FAM177B: variants seen among roughly 807,000 people sequenced by gnomAD.
FAM177B encodes the protein family with sequence similarity 177 member B.
Under a neutral mutation model 16.1 loss-of-function variants are expected in FAM177B, and 16 were observed. The ratio of observed to expected loss-of-function variants is 0.99; its 90% CI spans 0.67 to 1.51. The LOEUF (loss-of-function observed/expected upper bound fraction) is 1.51. Ranked by LOEUF, FAM177B falls within the 40% of genes most tolerant of loss-of-function variation. The pLI, the probability that FAM177B is intolerant of heterozygous loss-of-function variation, is 0.00. For synonymous variants in FAM177B, 56 were observed against 59.9 expected (o/e 0.93, Z 0.30); for missense variants, 178 against 183.7 (o/e 0.97, Z 0.18).
intron 2 of FAM177B, among the ~76,000 whole-genome samples, chr1:222,738,352 T>C (rs1658379472): frequency 6.6e-6 from 1 of 152,046 alleles, no homozygotes; most frequent in South Asian, 2.1e-4. Flanking sequence ...GTTAATTACA[T>C]TATATACTTA....
chr1:222,742,511 T>A (rs1658602041), intron 2 of FAM177B: 1 of 152,240 alleles, frequency 6.6e-6, no homozygotes, highest in African/African-American at 2.4e-5. Flanking sequence ...GTAAATGTTT[T>A]AAAAATTACT....
intron 4 of FAM177B, chr1:222,749,105 A>G: frequency 2.1e-6 from 1 of 471,472 alleles, no homozygotes; most frequent in Non-Finnish European, 4.4e-6. Context: ...TTTGAAATAT[A>G]CTTGGAGCAG....
intron 2 of FAM177B, among the ~76,000 whole-genome samples, chr1:222,743,879 G>T (rs972085850): frequency 4.6e-5 from 7 of 151,964 alleles, no homozygotes; most frequent in Non-Finnish European, 7.4e-5. Context: ...CAGCTCCAAG[G>T]CCTATATCTG....
intron 3 of FAM177B, 108 bp downstream of exon 3, chr1:222,746,827 T>C: frequency 9.2e-7 from 1 of 1,082,756 alleles, no homozygotes; most frequent in South Asian, 1.6e-5. Context: ...GCTAAGTCCT[T>C]GGTCTCCTTT....
Position 222,750,669 on chromosome 1 carries a change from T to C in FAM177B, c.*611T>C. On this transcript the variant is annotated 3_prime_UTR_variant, in exon 6 of 6. Coordinates refer to ENST00000445590, the MANE Select transcript of FAM177B (RefSeq NM_001394345.1). ...AAATAATATAAGCTCTAGAAAAAAA[T>C]ATTAATGGATTATTTTCTTATTTAT... 1 of 532,720 alleles carries C rather than the reference T, an allele frequency of 1.9e-6. No homozygotes were observed. The highest frequency in any genetic ancestry group is 2.4e-6 in the Non-Finnish European group (1 of 416,812). The allele number at this position is 532,720 out of a possible 1,614,324, so 33.0% of individuals were successfully genotyped here. A position where few individuals can be genotyped will look rare whatever the true frequency, so the allele number is the denominator to read the frequency against.
chr1:222,749,781 G>A (rs1658974223), intron 5 of FAM177B, 140 bp from the exon 6 acceptor site: 8 of 946,496 alleles, frequency 8.5e-6, no homozygotes, highest in African/African-American at 1.7e-5. Flanking sequence ...CATGAGCTGT[G>A]TTGTAGAAGA....
At chr1:222,749,678 C>A in intron 5 of FAM177B, 116 bp downstream of exon 5, 1 of 735,944 alleles carries the variant, frequency 1.4e-6, no homozygotes, top group Non-Finnish European at 2.3e-6. Flanking sequence ...ATAATTTCAC[C>A]AAGCTCCCAT....
chr1:222,745,530 T>C (rs902480830), intron 2 of FAM177B, among the ~76,000 whole-genome samples: 6 of 152,160 alleles, frequency 3.9e-5, no homozygotes, highest in Non-Finnish European at 8.8e-5. Context: ...GGCGGGAAGA[T>C]TGCTTAAGCC....
At chr1:222,748,028 G>T (rs927312820) in intron 4 of FAM177B, among the ~76,000 whole-genome samples, 3 of 152,190 alleles carry the variant, frequency 2.0e-5, no homozygotes, top group Non-Finnish European at 4.4e-5. Context: ...GCTGGCTAAG[G>T]CTAGCTTGAG....
chr1:222,738,666 C>T (rs1658394734), intron 2 of FAM177B, among the ~76,000 whole-genome samples: 1 of 148,542 alleles, frequency 6.7e-6, no homozygotes, highest in Non-Finnish European at 1.5e-5. Context: ...GACCGTGTCT[C>T]AAAAAAAAGA....
At position 222,749,426 on chromosome 1, in the gene FAM177B, A is replaced by C. The variant is rs762133837; in HGVS notation, c.242-39A>C. ...TCTCAACTGATGCGAAGCTTTAGTT[A>C]GTAATTCAGTTTACGCAAGTGCTCG... On this transcript the variant is annotated intron_variant, in intron 4 of 5. Coordinates refer to ENST00000445590, the MANE Select transcript of FAM177B (RefSeq NM_001394345.1). 3.4e-6 allele frequency: 4 copies of C among 1,171,630 alleles called. No homozygotes were observed. In the South Asian group the frequency reaches 3.8e-5, roughly 11 times the overall value. The allele number at this position is 1,171,630 out of a possible 1,614,324, so 72.6% of individuals were successfully genotyped here.
chr1:222,749,731 A>C (rs1286567147), intron 5 of FAM177B, among the ~76,000 whole-genome samples, 169 bp downstream of exon 5: 1 of 152,184 alleles, frequency 6.6e-6, no homozygotes. Context: ...ACCCAGGGAC[A>C]CTTCTTCACA....
chr1:222,748,315 A>G (rs1469879713), intron 4 of FAM177B, among the ~76,000 whole-genome samples: 2 of 152,222 alleles, frequency 1.3e-5, no homozygotes, highest in Non-Finnish European at 2.9e-5. Flanking sequence ...GAATTGGAGA[A>G]GATTAGGTCA....
chr1:222,749,534 T>C lies in FAM177B; in HGVS notation c.311T>C (p.Leu104Ser), dbSNP rs769332929. The C allele has an allele frequency of 5.6e-6, 9 of 1,605,456 alleles. No individual in the cohort carries two copies. The highest frequency in any genetic ancestry group is 7.7e-6 in the Non-Finnish European group (9 of 1,173,232). Residue 104 changes from leucine (L) to serine (S), a missense_variant, in exon 5 of 6, where the codon TTA becomes TCA. By Grantham distance (145) the Leu-to-Ser change is moderately radical. Coordinates refer to ENST00000445590, the MANE Select transcript of FAM177B (RefSeq NM_001394345.1). ...ACTCAACCCAAATATCAGTATGTGT[T>C]AAACGAGTTCTATAGGATACAAAAC... ...GLTQPKYQYVLNEFYRIQNKK... is the reference protein window; with the variant it reads ...GLTQPKYQYVSNEFYRIQNKK...
intron 2 of FAM177B, among the ~76,000 whole-genome samples, chr1:222,744,883 G>A (rs2125062660): frequency 6.6e-6 from 1 of 152,246 alleles, no homozygotes; most frequent in South Asian, 2.1e-4. Flanking sequence ...TTATGATCAT[G>A]ATATCTATTA....
chr1:222,740,398 A>G (rs1180643295), intron 2 of FAM177B, among the ~76,000 whole-genome samples: 1 of 152,102 alleles, frequency 6.6e-6, no homozygotes, highest in African/African-American at 2.4e-5. Context: ...ATTAATGCTA[A>G]TATTTTGTTT....
In FAM177B at chr1:222,746,998, A is replaced by T; in HGVS notation, c.175-17A>T. 1 of 1,572,052 alleles carries T rather than the reference A, an allele frequency of 6.4e-7. No homozygotes were observed. The highest frequency in any genetic ancestry group is 8.8e-7 in the Non-Finnish European group (1 of 1,142,002). ...TCCTCTTATTAACTACTCTATCTCA[A>T]TTTCTCCTTTTTTCAGTCTAAACTT... On this transcript the variant is annotated splice_polypyrimidine_tract_variant and intron_variant, in intron 3 of 5. Transcript: ENST00000445590.
In FAM177B at chr1:222,750,199, C is replaced by T. The variant is rs1253059195; in HGVS notation, c.*141C>T. ...GTAGCACTTCTGAGCCAGATCTGATCCTAATCTCTGTGTGACTTAGTCTCA... is the reference window on the plus strand; with the variant it reads ...GTAGCACTTCTGAGCCAGATCTGATTCTAATCTCTGTGTGACTTAGTCTCA... On this transcript the variant is annotated 3_prime_UTR_variant, in exon 6 of 6. Transcript: ENST00000445590. The T allele has an allele frequency of 6.8e-7, 1 of 1,460,998 alleles. No homozygotes were observed. The highest frequency in any genetic ancestry group is 1.4e-5 in the African/African-American group (1 of 70,742). The allele number at this position is 1,460,998 out of a possible 1,614,324, so 90.5% of individuals were successfully genotyped here. A position where few individuals can be genotyped will look rare whatever the true frequency, so the allele number is the denominator to read the frequency against.
intron 2 of FAM177B, among the ~76,000 whole-genome samples, chr1:222,745,841 G>C (rs1484473268): frequency 6.6e-6 from 1 of 152,134 alleles, no homozygotes; most frequent in Non-Finnish European, 1.5e-5. Context: ...TTGAACCCAG[G>C]AGGCAGAGGT....
Sources: gnomAD v4.1 joint callset for allele counts (sites outside exome capture counted in the v4.1 genomes callset) on GRCh38, gnomAD v4.1.1 for gene constraint, MANE v1.5 for transcripts, NCBI Gene and HGNC (gene_info 2026-07-23, HGNC 2026-07-21) for gene names.